The following NAV2 variants were observed in gnomAD, a reference collection of about 807,000 sequenced individuals.
NAV2 encodes helicase, APC down-regulated 1.
Under a neutral mutation model 223.2 loss-of-function variants are expected in NAV2, and 54 were observed. The observed-to-expected ratio is 0.24, with a 90% CI of 0.19 to 0.30. NAV2 has a LOEUF of 0.30. Among genes scored for constraint, NAV2 ranks in the 10% least tolerant of loss-of-function variants. The pLI is 1.00. For synonymous variants in NAV2, 1,279 were observed against 1,239.3 expected (o/e 1.03, Z -0.67); for missense variants, 2,806 against 3,147.5 (o/e 0.89, Z 2.60).
At chr11:19,476,797 G>A (rs1221571375) in intron 1 of NAV2, among the ~76,000 whole-genome samples, 1 of 152,190 alleles carries the variant, frequency 6.6e-6, no homozygotes, top group Non-Finnish European at 1.5e-5. Context: ...GGAATCAAAA[G>A]GTGATGTCCA....
intron 6 of NAV2, among the ~76,000 whole-genome samples, chr11:19,932,236 C>CAAAAAAA (rs398015484): frequency 1.5e-3 from 121 of 78,938 alleles, no homozygotes; most frequent in Non-Finnish European, 1.9e-3. Context: ...CACTCTTAAG[C>CAAAAAAA]AAAAAAAAAA....
chr11:19,770,976 C>T (rs1194274044), intron 1 of NAV2, among the ~76,000 whole-genome samples: 1 of 152,124 alleles, frequency 6.6e-6, no homozygotes, highest in Non-Finnish European at 1.5e-5. Context: ...CGTTTCAGTG[C>T]AGTTTATATT....
intron 1 of NAV2, among the ~76,000 whole-genome samples, chr11:19,732,151 C>T (rs927826087): frequency 3.3e-5 from 5 of 151,754 alleles, no homozygotes; most frequent in Admixed American, 6.6e-5. Context: ...CCCTGCTACT[C>T]GGGAGGCTGA....
At chr11:19,648,182 C>T (rs1028735974) in intron 1 of NAV2, among the ~76,000 whole-genome samples, 8 of 152,124 alleles carry the variant, frequency 5.3e-5, no homozygotes, top group South Asian at 2.1e-4. Context: ...ATATTAAAAA[C>T]GAAGGTAATA....
In NAV2 at chr11:19,641,003, C is replaced by T. The variant is rs1175446677; in HGVS notation, c.76-191481C>T. On this transcript the variant is annotated intron_variant, in intron 1 of 37. Transcript: ENST00000360655. ...TTTCCTCCTAACCTCTAGGGAGGAA[C>T]ACAACCAGGATCAGAGCATCAGTGT... 2.0e-5 allele frequency among the ~76,000 whole-genome samples: 3 copies of T among 152,276 alleles called. No individual in the cohort carries two copies. The East Asian group carries it at 5.8e-4, about 29-fold the overall frequency.
chr11:19,853,066 C>T (rs572863696), intron 3 of NAV2, among the ~76,000 whole-genome samples: 2 of 152,254 alleles, frequency 1.3e-5, no homozygotes, highest in Admixed American at 6.5e-5. Flanking sequence ...CTCCAATAGC[C>T]GTGTTCAAAC....
At chr11:20,008,477 C>T (rs1458393279) in intron 11 of NAV2, among the ~76,000 whole-genome samples, 2 of 152,172 alleles carry the variant, frequency 1.3e-5, no homozygotes, top group Non-Finnish European at 2.9e-5. Context: ...AGAGCTTTTC[C>T]TGCCCCTTAA....
intron 11 of NAV2, chr11:20,022,950 T>C: frequency 7.6e-7 from 1 of 1,318,930 alleles, no homozygotes; most frequent in Non-Finnish European, 1.0e-6. Context: ...TGGGGAATGG[T>C]GATCCCTGCT....
chr11:19,819,101 A>G (rs1290832900), intron 1 of NAV2, among the ~76,000 whole-genome samples: 1 of 152,136 alleles, frequency 6.6e-6, no homozygotes, highest in Non-Finnish European at 1.5e-5. Flanking sequence ...GTGCTTGTTT[A>G]TCACGCTCCT....
chr11:19,874,323 G>A (rs1353661459), intron 4 of NAV2, among the ~76,000 whole-genome samples: 3 of 152,132 alleles, frequency 2.0e-5, no homozygotes, highest in Non-Finnish European at 4.4e-5. Context: ...TTGCTTTTCT[G>A]TTGCCACAAG....
chr11:20,062,248 C>G, intron 19 of NAV2, 59 bp from the exon 20 acceptor site: 1 of 1,256,712 alleles, frequency 8.0e-7, no homozygotes, highest in South Asian at 1.2e-5. Context: ...CCTCCCCTGT[C>G]CCCTTTTTGG....
At position 19,880,101 on chromosome 11, in the gene NAV2, A is replaced by G. The variant is rs922230702; in HGVS notation, c.744A>G (p.Ser248=). Residue 248 remains serine, a synonymous_variant, in exon 5 of 38, where the codon TCA becomes TCG. Coordinates refer to ENST00000349880, the MANE Select transcript of NAV2 (RefSeq NM_145117.5). ...ACCAGCCAGCGCCACATCAGCAGTCAAAAGCACAAGCTGAAATGCAGTCCA... is the reference window on the plus strand; with the variant it reads ...ACCAGCCAGCGCCACATCAGCAGTCGAAAGCACAAGCTGAAATGCAGTCCA... ...QPHQPAPHQQ[S]KAQAEMQSRL... 14 of 1,603,300 alleles carry G rather than the reference A, an allele frequency of 8.7e-6. No individual in the cohort carries two copies. The highest frequency in any genetic ancestry group is 1.2e-5 in the Non-Finnish European group (14 of 1,173,476).
chr11:20,064,026 C>T (rs549505051), intron 20 of NAV2, among the ~76,000 whole-genome samples: 34 of 152,290 alleles, frequency 2.2e-4, no homozygotes, highest in East Asian at 1.4e-3. Flanking sequence ...TTCCTCTTTC[C>T]TCAGCTAGTC....
In NAV2 at chr11:19,984,233, C is replaced by T. The variant is rs780142269; in HGVS notation, c.2754C>T (p.Leu918=). The change falls in exon 11 of 38, where the codon CTC becomes CTT. Residue 918 remains leucine (L), a synonymous_variant. Transcript: ENST00000349880. ...TGCAACGAAATACCTCCCTGGGCCTCGGAGACGCTGACAGGTAAGCTTGCT... is the reference window on the plus strand; with the variant it reads ...TGCAACGAAATACCTCCCTGGGCCTTGGAGACGCTGACAGGTAAGCTTGCT... ...ETLQRNTSLG[L]GDADSWDDSS... 1.7e-5 allele frequency: 27 copies of T among 1,614,030 alleles called. No individual in the cohort carries two copies. Among genetic ancestry groups the T allele is most frequent in the African/African-American group, 5.3e-5 (4 of 74,922 alleles).
At chr11:20,108,782 G>C (rs1440290449) in intron 36 of NAV2, among the ~76,000 whole-genome samples, 1 of 152,090 alleles carries the variant, frequency 6.6e-6, no homozygotes, top group African/African-American at 2.4e-5. Context: ...CTTCTCACTT[G>C]ACCCAGGGTT....
chr11:20,052,165 G>C (rs1443182442), intron 17 of NAV2, among the ~76,000 whole-genome samples: 1 of 152,206 alleles, frequency 6.6e-6, no homozygotes. Flanking sequence ...TAAGCATTAA[G>C]TGCTTTCGCA....
chr11:19,550,516 C>T (rs1243483218), intron 1 of NAV2, among the ~76,000 whole-genome samples: 1 of 152,202 alleles, frequency 6.6e-6, no homozygotes, highest in Admixed American at 6.5e-5. Flanking sequence ...CAGATCGATA[C>T]AGGGTGGATT....
chr11:19,854,485 C>T lies in NAV2; in HGVS notation c.438+11562C>T, dbSNP rs181582870. On this transcript the variant is annotated intron_variant, in intron 3 of 37. Transcript: ENST00000349880. ...AAAATTGATCTTCTGTGGATTGGCA[C>T]GCAACAGGCAAAAAATTGGCTGTAA... is the stretch of plus-strand genomic sequence containing the variant. Among the ~76,000 whole-genome samples the T allele has an allele frequency of 4.4e-4, 67 of 152,246 alleles. No individual in the cohort carries two copies. In the East Asian group the frequency reaches 8.9e-3, roughly 20 times the overall value.
chr11:19,547,096 C>T lies in NAV2; in HGVS notation c.75+196069C>T, dbSNP rs556265909. Among the ~76,000 whole-genome samples the T allele has an allele frequency of 4.0e-3, 607 of 152,324 alleles. 10 individuals are homozygous for T. The highest frequency in any genetic ancestry group is 7.7e-3 in the South Asian group (37 of 4,828). On this transcript the variant is annotated intron_variant, in intron 1 of 37. Coordinates refer to the NAV2 transcript ENST00000360655. ...GACATGGGGGTGGTCCCTGCCTACC[C>T]ACATCCAACAGCAGCCTCTCCTGCC...
Sources: allele counts gnomAD v4.1 joint callset (sites outside exome capture counted in the v4.1 genomes callset), GRCh38; gene constraint gnomAD v4.1.1; transcripts MANE v1.5; gene names NCBI Gene and HGNC (gene_info 2026-07-23, HGNC 2026-07-21).